FOXP1: variants seen among roughly 807,000 people sequenced by gnomAD.
FOXP1 encodes the protein forkhead box protein P1.
In FOXP1, 15 loss-of-function variants were observed where a neutral mutation model predicts 98.2. The ratio of observed to expected loss-of-function variants is 0.15; its 90% CI spans 0.10 to 0.24. The LOEUF (loss-of-function observed/expected upper bound fraction) is 0.24. FOXP1 is among the 10% of genes least tolerant of loss of function. FOXP1 has a pLI of 1.00. For missense variants in FOXP1, 633 were observed against 848.5 expected (o/e 0.75, Z 3.15); for synonymous variants, 371 against 314.5 (o/e 1.18, Z -1.90).
At chr3:71,276,308 C>G (rs1293227323) in intron 5 of FOXP1, 1 of 152,080 alleles carries the variant, frequency 6.6e-6, no homozygotes, top group Non-Finnish European at 1.5e-5. Flanking sequence ...AAAAGGTAGT[C>G]TGTGAGCTCA....
rs747272310 is a variant in FOXP1 at position 71,198,208 on chromosome 3, C to T, written c.174G>A (p.Gln58=). Residue 58 remains glutamine, a synonymous_variant, in exon 6 of 21, where the codon CAG becomes CAA. Coordinates refer to ENST00000649528, the MANE Select transcript of FOXP1 (RefSeq NM_001349338.3). ...AGACTCCAAAGCCCAGTACCTGTTG[C>T]TGCTGCTGCTGGGCGTGGGCGAGGT... ...AADLAHAQQQ[Q]QQALQVARQL... 3 of 1,611,754 alleles carry T rather than the reference C, an allele frequency of 1.9e-6. No homozygotes were observed. The highest frequency in any genetic ancestry group is 1.7e-6 in the Non-Finnish European group (2 of 1,178,498).
chr3:71,564,945 T>A (rs2046799617), intron 2 of FOXP1, among the ~76,000 whole-genome samples: 1 of 151,962 alleles, frequency 6.6e-6, no homozygotes, highest in Non-Finnish European at 1.5e-5. Context: ...TGAAATTCCG[T>A]CTCTATTAAA....
intron 5 of FOXP1, among the ~76,000 whole-genome samples, chr3:71,268,537 T>C (rs1334698260): frequency 1.3e-5 from 2 of 149,844 alleles, no homozygotes; most frequent in Non-Finnish European, 3.0e-5. Flanking sequence ...GGAAATAATC[T>C]TTTTACCATC....
At chr3:71,074,271 A>C (rs1236420422) in intron 7 of FOXP1, among the ~76,000 whole-genome samples, 1 of 152,196 alleles carries the variant, frequency 6.6e-6, no homozygotes, top group Non-Finnish European at 1.5e-5. Flanking sequence ...TCTCTCATGC[A>C]GGCTGGAGTG....
At chr3:71,042,022 T>C (rs1326821787) in intron 10 of FOXP1, among the ~76,000 whole-genome samples, 1 of 152,218 alleles carries the variant, frequency 6.6e-6, no homozygotes, top group African/African-American at 2.4e-5. Flanking sequence ...ACATAAATTA[T>C]GAATTCATAT....
At chr3:71,309,738 A>G (rs1376615010) in intron 4 of FOXP1, among the ~76,000 whole-genome samples, 5 of 152,120 alleles carry the variant, frequency 3.3e-5, no homozygotes, top group African/African-American at 7.2e-5. Flanking sequence ...TCCCCACTTC[A>G]ATGATTTTGT....
intron 3 of FOXP1, among the ~76,000 whole-genome samples, chr3:71,425,992 C>T (rs2084120815): frequency 6.6e-6 from 1 of 152,198 alleles, no homozygotes; most frequent in African/African-American, 2.4e-5. Flanking sequence ...GACTAACATG[C>T]TGGCTCATCC....
chr3:71,134,239 C>T (rs559130131), intron 6 of FOXP1, among the ~76,000 whole-genome samples: 35 of 152,316 alleles, frequency 2.3e-4, no homozygotes, highest in South Asian at 8.3e-4. Flanking sequence ...TATTCAAAAA[C>T]GGTGGCTATT....
intron 3 of FOXP1, among the ~76,000 whole-genome samples, chr3:71,456,134 T>C (rs1168298402): frequency 6.6e-6 from 1 of 152,082 alleles, no homozygotes; most frequent in Non-Finnish European, 1.5e-5. Flanking sequence ...ATTCAAGTAT[T>C]TGAGGGAGGT....
Position 71,245,556 on chromosome 3 carries a change from T to C in FOXP1, c.-11-47164A>G, listed in dbSNP as rs551735152. ...CCCTTGCAGAGATACAAGCCTTCTCTACCCACCCACCCCCTCCCCATCTTT... is the reference window on the plus strand; with the variant it reads ...CCCTTGCAGAGATACAAGCCTTCTCCACCCACCCACCCCCTCCCCATCTTT... On this transcript the variant is annotated intron_variant, in intron 5 of 20. Transcript: ENST00000649528. Among the ~76,000 whole-genome samples the C allele has an allele frequency of 2.3e-3, 350 of 150,718 alleles. 1 individual carries two copies. Among genetic ancestry groups the C allele is most frequent in the African/African-American group, 8.3e-3 (340 of 41,004 alleles).
chr3:71,521,664 C>G (rs1024312297), intron 2 of FOXP1, among the ~76,000 whole-genome samples: 1 of 152,312 alleles, frequency 6.6e-6, no homozygotes, highest in East Asian at 1.9e-4. Context: ...ACTAGACAGA[C>G]TTTATTTTTA....
chr3:71,324,741 T>A (rs888464512), intron 4 of FOXP1, among the ~76,000 whole-genome samples: 2 of 152,088 alleles, frequency 1.3e-5, no homozygotes, highest in Non-Finnish European at 2.9e-5. Context: ...GTTGTACACA[T>A]GTACACTAGA....
At chr3:71,172,795 T>A (rs2061714565) in intron 6 of FOXP1, among the ~76,000 whole-genome samples, 1 of 152,180 alleles carries the variant, frequency 6.6e-6, no homozygotes, top group African/African-American at 2.4e-5. Context: ...CTGCCTGGAA[T>A]TCCATTTTTA....
chr3:71,570,042 C>T (rs2047216415), intron 2 of FOXP1, among the ~76,000 whole-genome samples: 1 of 152,150 alleles, frequency 6.6e-6, no homozygotes, highest in African/African-American at 2.4e-5. Flanking sequence ...TCAGTCTCCA[C>T]TTTCAACCCC....
At chr3:71,026,209 A>G (rs1331990505) in intron 11 of FOXP1, among the ~76,000 whole-genome samples, 4 of 152,222 alleles carry the variant, frequency 2.6e-5, no homozygotes, top group African/African-American at 9.6e-5. Context: ...GATTTCACAG[A>G]TATCATTTCT....
intron 4 of FOXP1, among the ~76,000 whole-genome samples, chr3:71,350,463 C>T (rs1254257856): frequency 6.6e-6 from 1 of 152,116 alleles, no homozygotes; most frequent in Non-Finnish European, 1.5e-5. Flanking sequence ...CTACCTTGCA[C>T]ATGTAAGTAT....
At chr3:71,158,382 T>C (rs986559917) in intron 6 of FOXP1, among the ~76,000 whole-genome samples, 8 of 132,988 alleles carry the variant, frequency 6.0e-5, no homozygotes, top group Non-Finnish European at 1.1e-4. Context: ...CCCACTTACC[T>C]GCAGAAAGGG....
chr3:71,108,998 T>G (rs186047809), intron 7 of FOXP1, among the ~76,000 whole-genome samples: 61 of 152,350 alleles, frequency 4.0e-4, no homozygotes, highest in Non-Finnish European at 7.6e-4. Flanking sequence ...AATTTTCAAT[T>G]TTCATTTGTA....
chr3:71,132,970 TTCTC>T lies in FOXP1; in HGVS notation c.181-20337_181-20334del, dbSNP rs538465001. On this transcript the variant is annotated intron_variant, in intron 6 of 20. Transcript: ENST00000649528. ...CAATCTGTGAAAGTCGCCACAGTTGTTCTCTAACCATAAAAAAAAAAAAGCAAGC... is the reference window on the plus strand; with the variant it reads ...CAATCTGTGAAAGTCGCCACAGTTGTTAACCATAAAAAAAAAAAAGCAAGC... Among the ~76,000 whole-genome samples the T allele has an allele frequency of 1.4e-3, 128 of 93,694 alleles. No individual in the cohort carries two copies. The South Asian group carries it at 0.031, about 23-fold the overall frequency. The allele number at this position is 93,694 out of a possible 152,430, so 61.5% of individuals were successfully genotyped here.
Sources: gnomAD v4.1 joint callset for allele counts (sites outside exome capture counted in the v4.1 genomes callset) on GRCh38, gnomAD v4.1.1 for gene constraint, MANE v1.5 for transcripts, NCBI Gene and HGNC (gene_info 2026-07-23, HGNC 2026-07-21) for gene names.